The following RGS7 variants were observed in gnomAD, a reference collection of about 807,000 sequenced individuals.
RGS7 encodes regulator of G protein signaling 7.
In RGS7, 27 loss-of-function variants were observed where a neutral mutation model predicts 81.1. The observed-to-expected ratio is 0.33, with a 90% CI of 0.25 to 0.46. The LOEUF (loss-of-function observed/expected upper bound fraction) is 0.46, where lower values mean the gene tolerates loss of function less well. RGS7 is among the 20% of genes least tolerant of loss of function. The pLI, the probability that RGS7 is intolerant of heterozygous loss-of-function variation, is 1.00. For synonymous variants in RGS7, 208 were observed against 207.7 expected, an observed-to-expected ratio of 1.00 and a Z score of -0.01; for missense variants, 396 against 607.4, an observed-to-expected ratio of 0.65 and a Z score of 3.66.
At chr1:240,847,410 G>A (rs114030645) in intron 9 of RGS7, among the ~76,000 whole-genome samples, 253 of 152,326 alleles carry the variant, frequency 1.7e-3, no homozygotes, top group African/African-American at 5.7e-3. Flanking sequence ...GTTGGTGTTT[G>A]AGCCAAATCT....
intron 2 of RGS7, among the ~76,000 whole-genome samples, chr1:241,314,318 C>T (rs2080735893): frequency 6.6e-6 from 1 of 152,194 alleles, no homozygotes; most frequent in African/African-American, 2.4e-5. Flanking sequence ...AACTACCACC[C>T]TCATCAGTCA....
rs564422799 is a variant in RGS7 at position 241,018,808 on chromosome 1, C to T, written c.176-35679G>A. ...CTTCCATTCATCGCTTCAGTGTTCTCAATCCATTTCCTGGATGTCATATAC... is the reference window on the plus strand; with the variant it reads ...CTTCCATTCATCGCTTCAGTGTTCTTAATCCATTTCCTGGATGTCATATAC... On this transcript the variant is annotated intron_variant, in intron 3 of 18. Coordinates refer to ENST00000440928, the MANE Select transcript of RGS7 (RefSeq NM_001364886.1). Among the ~76,000 whole-genome samples, 9 of 152,218 alleles carry T rather than the reference C, an allele frequency of 5.9e-5. No homozygotes were observed. In the South Asian group the frequency reaches 1.9e-3, roughly 32 times the overall value.
intron 2 of RGS7, among the ~76,000 whole-genome samples, chr1:241,140,356 G>C (rs918577109): frequency 6.6e-6 from 1 of 152,122 alleles, no homozygotes; most frequent in East Asian, 1.9e-4. Context: ...TGGGTGACTG[G>C]TCCCTTATTC....
intron 15 of RGS7, among the ~76,000 whole-genome samples, chr1:240,805,533 G>C (rs1052776167): frequency 2.0e-5 from 3 of 152,136 alleles, no homozygotes; most frequent in African/African-American, 7.2e-5. Context: ...GAGAAAAGAT[G>C]ACTGAAAATT....
chr1:240,938,725 C>A (rs1370448288), intron 4 of RGS7, among the ~76,000 whole-genome samples: 2 of 152,118 alleles, frequency 1.3e-5, no homozygotes, highest in East Asian at 3.9e-4. Context: ...CTGTTACTAA[C>A]TGCTCCAGCC....
At chr1:241,256,958 C>T (rs939079491) in intron 2 of RGS7, among the ~76,000 whole-genome samples, 8 of 142,214 alleles carry the variant, frequency 5.6e-5, no homozygotes, top group African/African-American at 1.8e-4. Context: ...CACACACACA[C>T]ACACGTGTGT....
chr1:240,866,141 T>G (rs1296956229), intron 9 of RGS7, among the ~76,000 whole-genome samples: 1 of 152,142 alleles, frequency 6.6e-6, no homozygotes, highest in African/African-American at 2.4e-5. Context: ...AAGAAATGGT[T>G]GAAGGTAGGA....
At chr1:240,977,594 C>T (rs1012398787) in intron 4 of RGS7, among the ~76,000 whole-genome samples, 2 of 152,198 alleles carry the variant, frequency 1.3e-5, no homozygotes, top group African/African-American at 2.4e-5. Flanking sequence ...TAGGGCAGCA[C>T]GTGGTCTGAA....
chr1:240,946,771 C>G lies in RGS7; in HGVS notation c.227-10065G>C, dbSNP rs149668352. ...GCTGGTCAATGGGTACAAAATTACA[C>G]TTAGGCAGGAAGAATAAGTTTTGGT... On this transcript the variant is annotated intron_variant, in intron 4 of 18. Coordinates refer to ENST00000440928, the MANE Select transcript of RGS7 (RefSeq NM_001364886.1). Among the ~76,000 whole-genome samples, 1,249 of 152,138 alleles carry G rather than the reference C, an allele frequency of 8.2e-3. 10 individuals carry two copies. Among genetic ancestry groups the G allele is most frequent in the Non-Finnish European group, 0.013 (859 of 68,006 alleles).
At position 241,023,970 on chromosome 1, in the gene RGS7, C is replaced by T. The variant is rs193110583; in HGVS notation, c.176-40841G>A. On this transcript the variant is annotated intron_variant, in intron 3 of 18. Transcript: ENST00000440928. ...TGTTGGTCAGGTTGGTCTCGAACTC[C>T]TGACTCAGGTGTGGTCGACCTCCTG... Among the ~76,000 whole-genome samples, 14 of 152,264 alleles carry T rather than the reference C, an allele frequency of 9.2e-5. No homozygotes were observed. The East Asian group carries it at 2.7e-3, about 29-fold the overall frequency.
At chr1:240,803,254 A>C (rs1252777418) in intron 15 of RGS7, among the ~76,000 whole-genome samples, 1 of 152,156 alleles carries the variant, frequency 6.6e-6, no homozygotes, top group East Asian at 1.9e-4. Context: ...TTTGATTAAT[A>C]AAATGTCATA....
intron 2 of RGS7, among the ~76,000 whole-genome samples, chr1:241,207,328 G>T (rs140571153): frequency 4.6e-4 from 53 of 115,936 alleles, no homozygotes; most frequent in African/African-American, 1.5e-3. Context: ...TGCCAGGTAT[G>T]GAGTATGCAC....
chr1:241,229,065 A>T (rs2075492991), intron 2 of RGS7, among the ~76,000 whole-genome samples: 1 of 151,980 alleles, frequency 6.6e-6, no homozygotes, highest in East Asian at 1.9e-4. Context: ...AAAATTAAAA[A>T]AAAAAAAAAG....
chr1:241,277,717 AC>A (rs1328574695), intron 2 of RGS7, among the ~76,000 whole-genome samples: 2 of 152,216 alleles, frequency 1.3e-5, no homozygotes, highest in African/African-American at 4.8e-5. Flanking sequence ...CTCGTCTCTA[AC>A]CATCACTTGT....
intron 2 of RGS7, among the ~76,000 whole-genome samples, chr1:241,297,496 A>G (rs910544147): frequency 6.6e-6 from 1 of 152,242 alleles, no homozygotes; most frequent in African/African-American, 2.4e-5. Flanking sequence ...GGGAAAATCC[A>G]TAATAAGCTC....
Position 240,782,259 on chromosome 1 carries a change from C to T in RGS7, c.*7-6046G>A, listed in dbSNP as rs1279395482. 5.9e-5 allele frequency among the ~76,000 whole-genome samples: 9 copies of T among 152,140 alleles called. 1 individual carries two copies. Among genetic ancestry groups the T allele is most frequent in the African/African-American group, 2.4e-5 (1 of 41,434 alleles). On this transcript the variant is annotated intron_variant, in intron 18 of 18. Transcript: ENST00000440928. The stretch of plus-strand genomic sequence containing the variant: ...GCAATGTATTAAGTTAAAAAGAACA[C>T]GATCACTTCCAGGGAAGTACACGTG...
At position 241,178,471 on chromosome 1, in the gene RGS7, A is replaced by C. The variant is rs528614334; in HGVS notation, c.79-79709T>G. ...AAACATAGAGAAACAACCAGGGCCC[A>C]AGAGTAAACCCAGGGAGTTCATTCA... is the stretch of plus-strand genomic sequence containing the variant. On this transcript the variant is annotated intron_variant, in intron 2 of 18. Transcript: ENST00000440928. Among the ~76,000 whole-genome samples the C allele has an allele frequency of 6.4e-4, 98 of 152,278 alleles. 1 individual carries two copies. Among genetic ancestry groups the C allele is most frequent in the African/African-American group, 2.3e-3 (94 of 41,554 alleles).
At chr1:241,315,550 C>T (rs1045201297) in intron 2 of RGS7, among the ~76,000 whole-genome samples, 2 of 152,182 alleles carry the variant, frequency 1.3e-5, no homozygotes, top group Non-Finnish European at 2.9e-5. Context: ...ATAAAACCAA[C>T]AACTCCCACT....
At chr1:240,875,833 TC>T (rs952449773) in intron 6 of RGS7, among the ~76,000 whole-genome samples, 2 of 152,228 alleles carry the variant, frequency 1.3e-5, no homozygotes, top group African/African-American at 4.8e-5. Context: ...TTGTAGGTCT[TC>T]TTTTGAAAAA....
Sources: gnomAD v4.1 joint callset for allele counts (sites outside exome capture counted in the v4.1 genomes callset) on GRCh38, gnomAD v4.1.1 for gene constraint, MANE v1.5 for transcripts, NCBI Gene and HGNC (gene_info 2026-07-23, HGNC 2026-07-21) for gene names.